Variants in DDX50 observed in about 807,000 individuals in gnomAD.
DDX50 encodes the protein ATP-dependent RNA helicase DDX50.
A neutral mutation model predicts 94.8 loss-of-function variants in DDX50; 56 were observed. The observed-to-expected ratio is 0.59, with a 90% CI of 0.48 to 0.74. The LOEUF (loss-of-function observed/expected upper bound fraction) is 0.74, where lower values mean the gene tolerates loss of function less well. DDX50 is among the 30% of genes least tolerant of loss of function. The pLI, the probability that DDX50 is intolerant of heterozygous loss-of-function variation, is 0.00. For synonymous variants in DDX50, 264 were observed against 295.4 expected, an observed-to-expected ratio of 0.89 and a Z score of 1.09; for missense variants, 713 against 881.2, an observed-to-expected ratio of 0.81 and a Z score of 2.42.
chr10:68,905,428 T>C (rs184785739), intron 1 of DDX50, among the ~76,000 whole-genome samples: 2 of 152,194 alleles, frequency 1.3e-5, no homozygotes, highest in Admixed American at 1.3e-4. Flanking sequence ...AATTATATAG[T>C]TTCTTTTTGT....
chr10:68,929,777 A>G (rs1489541351), intron 8 of DDX50, among the ~76,000 whole-genome samples: 2 of 126,964 alleles, frequency 1.6e-5, no homozygotes, highest in East Asian at 4.7e-4. Context: ...CCCAGACTGG[A>G]GTGCAGTGGT....
rs1841277810 is a variant in DDX50 at position 68,901,330 on chromosome 10, C to T, written c.-55C>T. ...GCCCCCGCTTCCTTTCACGCTGTCG[C>T]TGCCCGTAGGTGGTTGTGGCCACTG... On this transcript the variant is annotated 5_prime_UTR_variant, in exon 1 of 15. Coordinates refer to ENST00000373585, the MANE Select transcript of DDX50 (RefSeq NM_024045.2). 2 of 1,464,298 alleles carry T rather than the reference C, an allele frequency of 1.4e-6. No individual in the cohort carries two copies. The highest frequency in any genetic ancestry group is 2.7e-5 in the East Asian group (1 of 36,636). 90.7% of individuals were successfully genotyped at this position (1,464,298 alleles called of 1,614,324 possible). A position where few individuals can be genotyped will look rare whatever the true frequency, so the allele number is the denominator to read the frequency against.
chr10:68,909,989 A>C (rs765743683), intron 2 of DDX50, among the ~76,000 whole-genome samples: 6 of 152,280 alleles, frequency 3.9e-5, no homozygotes, highest in Non-Finnish European at 8.8e-5. Context: ...CCAGGAGTTT[A>C]AGATCTGCCT....
chr10:68,905,091 A>G (rs1199259209), intron 1 of DDX50, among the ~76,000 whole-genome samples: 2 of 152,088 alleles, frequency 1.3e-5, no homozygotes, highest in Non-Finnish European at 2.9e-5. Context: ...TAACTTTTGT[A>G]TTTTTGTAGA....
At chr10:68,938,462 C>G (rs1175977324) in intron 12 of DDX50, among the ~76,000 whole-genome samples, 1 of 152,156 alleles carries the variant, frequency 6.6e-6, no homozygotes, top group African/African-American at 2.4e-5. Context: ...TCTGTTATGT[C>G]TGAGTGGAGA....
chr10:68,934,457 CTCT>C lies in DDX50; in HGVS notation c.1401+102_1401+104del. 1 of 1,502,708 alleles carries C rather than the reference CTCT, an allele frequency of 6.7e-7. No individual in the cohort carries two copies. Among genetic ancestry groups the C allele is most frequent in the South Asian group, 1.2e-5 (1 of 82,518 alleles). 93.1% of individuals were successfully genotyped at this position (1,502,708 alleles called of 1,614,324 possible). On this transcript the variant is annotated intron_variant, in intron 9 of 14. Transcript: ENST00000373585. The surrounding 1 kb of genome is among the most constrained non-coding windows in gnomAD (Gnocchi z 4.0). ...GCTTGGGATGTGAAAAATATGTCATCTCTTCTTGCTCTTAGCCATTTTTTGTTA... is the reference window on the plus strand; with the variant it reads ...GCTTGGGATGTGAAAAATATGTCATCTCTTGCTCTTAGCCATTTTTTGTTA...
intron 8 of DDX50, among the ~76,000 whole-genome samples, chr10:68,925,593 T>C (rs533596887): frequency 3.9e-5 from 6 of 152,304 alleles, no homozygotes; most frequent in Admixed American, 3.3e-4. Context: ...TGTTTAAATG[T>C]CCAGTATAGG....
At chr10:68,903,110 A>G (rs1224658703) in intron 1 of DDX50, among the ~76,000 whole-genome samples, 1 of 152,240 alleles carries the variant, frequency 6.6e-6, no homozygotes, top group East Asian at 1.9e-4. Flanking sequence ...GAGCATTAGA[A>G]TACAGGTCTG....
intron 7 of DDX50, among the ~76,000 whole-genome samples, chr10:68,919,450 A>G (rs578115152): frequency 6.6e-6 from 1 of 152,230 alleles, no homozygotes; most frequent in Non-Finnish European, 1.5e-5. Context: ...AGAGACAACC[A>G]CTGTTTGATT....
At chr10:68,920,024 AT>A (rs1841900395) in intron 8 of DDX50, 43 bp downstream of exon 8, 1 of 1,608,560 alleles carries the variant, frequency 6.2e-7, no homozygotes, top group Non-Finnish European at 8.5e-7. Flanking sequence ...AATTATGGGG[AT>A]GAATCACTGA....
At chr10:68,902,827 T>C (rs1386643850) in intron 1 of DDX50, among the ~76,000 whole-genome samples, 1 of 152,254 alleles carries the variant, frequency 6.6e-6, no homozygotes, top group African/African-American at 2.4e-5. Flanking sequence ...TGTACCGTTA[T>C]CTAGTTTCAG....
In DDX50 at chr10:68,931,382, T is replaced by TAAAA. The variant is rs530913846; in HGVS notation, c.1240-2809_1240-2806dup. 4.2e-3 allele frequency among the ~76,000 whole-genome samples: 422 copies of TAAAA among 100,266 alleles called. 2 individuals carry two copies. The highest frequency in any genetic ancestry group is 0.021 in the East Asian group (63 of 3,070). The allele number at this position is 100,266 out of a possible 152,430, so 65.8% of individuals were successfully genotyped here. A position where few individuals can be genotyped will look rare whatever the true frequency, so the allele number is the denominator to read the frequency against. ...GGCTGGTGGGTGGGTGACGGATCAT[T>TAAAA]AAAAAAAAAAATATATATATATATA... On this transcript the variant is annotated intron_variant, in intron 8 of 14. Transcript: ENST00000373585.
At chr10:68,936,399 G>A (rs1258319459) in intron 11 of DDX50, among the ~76,000 whole-genome samples, 1 of 143,548 alleles carries the variant, frequency 7.0e-6, no homozygotes, top group African/African-American at 2.6e-5. Flanking sequence ...TGGAGCAGGA[G>A]AATGGTGTGA....
chr10:68,903,826 A>T (rs1159255343), intron 1 of DDX50, among the ~76,000 whole-genome samples: 1 of 150,946 alleles, frequency 6.6e-6, no homozygotes, highest in Non-Finnish European at 1.5e-5. Context: ...AAACCCAAAA[A>T]TTAGCTGGGT....
At chr10:68,931,408 T>C (rs1327660665) in intron 8 of DDX50, among the ~76,000 whole-genome samples, 1 of 55,880 alleles carries the variant, frequency 1.8e-5, no homozygotes, top group Non-Finnish European at 3.5e-5. Flanking sequence ...TATATATATA[T>C]ATGTATATAT....
At chr10:68,907,034 G>T (rs898397101) in intron 2 of DDX50, 27 bp downstream of exon 2, 1 of 1,562,000 alleles carries the variant, frequency 6.4e-7, no homozygotes, top group South Asian at 1.2e-5. Context: ...TTTTGCATTT[G>T]ACATTGTTGT....
chr10:68,940,958 C>T (rs1842540079), intron 12 of DDX50, 102 bp from the exon 13 acceptor site: 1 of 1,447,528 alleles, frequency 6.9e-7, no homozygotes, highest in Non-Finnish European at 9.2e-7. Flanking sequence ...ACTTTTGGCT[C>T]ATAAGAAATG....
In DDX50 at chr10:68,901,481, G is replaced by T; in HGVS notation, c.87+10G>T. ...GAAGGAGAGGCAAAAGGTGCGCTGA[G>T]CATGGGCCGCGCCTCCTTTTGGGCT... On this transcript the variant is annotated intron_variant, in intron 1 of 14. Transcript: ENST00000373585. The T allele has an allele frequency of 1.3e-6, 2 of 1,558,346 alleles. No individual in the cohort carries two copies. The highest frequency in any genetic ancestry group is 1.7e-6 in the Non-Finnish European group (2 of 1,151,490).
chr10:68,937,384 C>G (rs541417999), intron 12 of DDX50, among the ~76,000 whole-genome samples: 1 of 98,162 alleles, frequency 1.0e-5, no homozygotes, highest in South Asian at 4.4e-4. Flanking sequence ...CCTTTTTTAG[C>G]TCTAATTTGT....
Sources: gnomAD v4.1 joint callset for allele counts (sites outside exome capture counted in the v4.1 genomes callset) on GRCh38, gnomAD v4.1.1 for gene constraint, Gnocchi (gnomAD v3.1) non-coding constraint, MANE v1.5 for transcripts, NCBI Gene and HGNC (gene_info 2026-07-23, HGNC 2026-07-21) for gene names.